Variants in ATF3 observed in about 807,000 individuals in gnomAD.
ATF3 encodes activating transcription factor 3.
A neutral mutation model predicts 18.4 loss-of-function variants in ATF3; 10 were observed. The ratio of observed to expected loss-of-function variants is 0.54; its 90% CI spans 0.34 to 0.92. The LOEUF (loss-of-function observed/expected upper bound fraction) is 0.92. Among genes scored for constraint, ATF3 ranks in the 40% least tolerant of loss-of-function variants. The pLI, the probability that ATF3 is intolerant of heterozygous loss-of-function variation, is 0.02. For missense variants in ATF3, 183 were observed against 222.3 expected (o/e 0.82, Z 1.12); for synonymous variants, 78 against 87.9 (o/e 0.89, Z 0.63).
rs181232040 is a variant in ATF3, at chr1:212,616,370, C to T, written c.240+1109C>T. ...GGAGTGCAGTGGCATGATCTTGGCT[C>T]ACTGCAACCTCTGCCTCCCAGGTTC... On this transcript the variant is annotated intron_variant, in intron 2 of 3. Transcript: ENST00000341491. Among the ~76,000 whole-genome samples, 456 of 152,218 alleles carry T rather than the reference C, an allele frequency of 3.0e-3. 9 individuals are homozygous for T. The highest frequency in any genetic ancestry group is 4.0e-3 in the Non-Finnish European group (270 of 68,010).
chr1:212,603,015 T>C (rs1448840271), intron 1 of ATF3, among the ~76,000 whole-genome samples: 1 of 152,200 alleles, frequency 6.6e-6, no homozygotes, highest in Non-Finnish European at 1.5e-5. Flanking sequence ...GGTACACCTG[T>C]GTGTGCTCAT....
At chr1:212,597,790 G>A (rs965324305) in intron 1 of ATF3, among the ~76,000 whole-genome samples, 7 of 151,316 alleles carry the variant, frequency 4.6e-5, no homozygotes, top group Admixed American at 1.3e-4. Context: ...ATTTCTTTCC[G>A]TTTCGCTTAT....
intron 1 of ATF3, among the ~76,000 whole-genome samples, chr1:212,603,199 C>T (rs544878302): frequency 1.3e-5 from 2 of 152,068 alleles, no homozygotes; most frequent in South Asian, 2.1e-4. Flanking sequence ...TAGAGCTGCC[C>T]GAGCTACACT....
chr1:212,576,801 C>G (rs1455096111), intron 1 of ATF3, among the ~76,000 whole-genome samples: 2 of 123,760 alleles, frequency 1.6e-5, no homozygotes, highest in African/African-American at 6.2e-5. Context: ...GATCTCGGCT[C>G]ACTGCAACCT....
intron 1 of ATF3, among the ~76,000 whole-genome samples, chr1:212,566,906 A>G (rs904216028): frequency 6.6e-6 from 1 of 152,148 alleles, no homozygotes; most frequent in Non-Finnish European, 1.5e-5. Context: ...ATCACAACTG[A>G]ACAGTGACCA....
chr1:212,614,885 A>G, intron 1 of ATF3, 133 bp from the exon 2 acceptor site: 1 of 1,528,116 alleles, frequency 6.5e-7, no homozygotes, highest in Non-Finnish European at 8.9e-7. Context: ...ATGAAAACAA[A>G]ACAGAAACCC....
upstream of ATF3, among the ~76,000 whole-genome samples, chr1:212,604,249 G>A (rs887454125): frequency 1.3e-5 from 2 of 152,180 alleles, no homozygotes; most frequent in African/African-American, 4.8e-5. Flanking sequence ...GTTGACTGGA[G>A]GTAAACCTGT....
upstream of ATF3, among the ~76,000 whole-genome samples, chr1:212,604,872 C>T (rs114838114): frequency 4.6e-5 from 7 of 152,302 alleles, no homozygotes; most frequent in African/African-American, 1.7e-4. Flanking sequence ...CTTGGCAGGG[C>T]CATCCAGCAT....
At chr1:212,606,787 G>A (rs1241410160), upstream of ATF3, among the ~76,000 whole-genome samples, 1 of 152,202 alleles carries the variant, frequency 6.6e-6, no homozygotes. Context: ...TCATTCAAAT[G>A]CAAACACTCC....
chr1:212,575,714 A>T (rs2102623031), intron 1 of ATF3, among the ~76,000 whole-genome samples: 1 of 152,266 alleles, frequency 6.6e-6, no homozygotes, highest in African/African-American at 2.4e-5. Flanking sequence ...TAAGATTTTT[A>T]AAACCACGAA....
rs533184274 is a variant in ATF3 at position 212,574,931 on chromosome 1, TTTC to T, written c.-5+9458_-5+9460del. On this transcript the variant is annotated intron_variant, in intron 1 of 3. Transcript: ENST00000366981. ...AACAAGACAAGTCCTGCTACCCTAT[TTTC>T]TTCTTCTTCCAAATTTTCTTGGCTC... Among the ~76,000 whole-genome samples, 140 of 152,238 alleles carry T rather than the reference TTTC, an allele frequency of 9.2e-4. 1 individual carries two copies. In the South Asian group the frequency reaches 0.014, roughly 15 times the overall value.
At chr1:212,599,177 A>C (rs1237406081) in intron 1 of ATF3, among the ~76,000 whole-genome samples, 1 of 152,236 alleles carries the variant, frequency 6.6e-6, no homozygotes, top group Non-Finnish European at 1.5e-5. Context: ...GATGATATGT[A>C]TCTTGCATTT....
chr1:212,573,288 A>G, intron 1 of ATF3, among the ~76,000 whole-genome samples: 1 of 152,098 alleles, frequency 6.6e-6, no homozygotes, highest in East Asian at 1.9e-4. Flanking sequence ...AAAAGTTCTT[A>G]AATTTGTAAT....
chr1:212,577,059 T>C (rs1264695972), intron 1 of ATF3, among the ~76,000 whole-genome samples: 1 of 152,192 alleles, frequency 6.6e-6, no homozygotes, highest in African/African-American at 2.4e-5. Context: ...AGTAGTTCTT[T>C]AAGTGACAGT....
intron 1 of ATF3, among the ~76,000 whole-genome samples, chr1:212,573,019 A>G (rs1401180857): frequency 6.6e-6 from 1 of 152,056 alleles, no homozygotes; most frequent in Non-Finnish European, 1.5e-5. Context: ...TTCTTAGTTG[A>G]ATTGTTCTTT....
At chr1:212,585,252 G>A (rs987447821) in intron 1 of ATF3, among the ~76,000 whole-genome samples, 15 of 152,192 alleles carry the variant, frequency 9.9e-5, no homozygotes, top group Non-Finnish European at 1.9e-4. Flanking sequence ...ACGTGAAGGC[G>A]CTGCTGGAGC....
chr1:212,565,808 C>T (rs951221156), intron 1 of ATF3, among the ~76,000 whole-genome samples: 9 of 152,172 alleles, frequency 5.9e-5, no homozygotes, highest in South Asian at 4.1e-4. Flanking sequence ...GATGCCATCT[C>T]GGTCTCATCC....
chr1:212,619,087 T>A lies in ATF3; in HGVS notation c.349-271T>A. On this transcript the variant is annotated intron_variant, in intron 3 of 3. Coordinates refer to ENST00000341491, the MANE Select transcript of ATF3 (RefSeq NM_001674.4). This position sits in a 1 kb window ranked among gnomAD's most constrained non-coding sequence, Gnocchi z 4.4. ...GGGTCCAGAAGACCTGCATATGGGC[T>A]GTTGACTCATGCAAATGAGGTATCT... The A allele has an allele frequency of 6.2e-7, 1 of 1,614,196 alleles. No homozygotes were observed.
intron 1 of ATF3, among the ~76,000 whole-genome samples, chr1:212,603,093 G>A (rs1654525961): frequency 6.6e-6 from 1 of 151,870 alleles, no homozygotes; most frequent in African/African-American, 2.4e-5. Context: ...TTTTAGTTCT[G>A]AGAATCACCG....
Sources: gnomAD v4.1 joint callset for allele counts (sites outside exome capture counted in the v4.1 genomes callset) on GRCh38, gnomAD v4.1.1 for gene constraint, Gnocchi (gnomAD v3.1) non-coding constraint, MANE v1.5 for transcripts, NCBI Gene and HGNC (gene_info 2026-07-23, HGNC 2026-07-21) for gene names.